The following TMEM71 variants were observed in gnomAD, a reference collection of about 807,000 sequenced individuals.
The protein encoded by TMEM71 is transmembrane protein 71.
Under a neutral mutation model 38.0 loss-of-function variants are expected in TMEM71, and 44 were observed. That is an observed-to-expected ratio of 1.16 (90% CI 0.91 to 1.49). The LOEUF (loss-of-function observed/expected upper bound fraction) is 1.49, where lower values mean the gene tolerates loss of function less well. Ranked by LOEUF, TMEM71 falls within the 40% of genes most tolerant of loss-of-function variation. The pLI is 0.00. For missense variants in TMEM71, 367 were observed against 348.6 expected, an observed-to-expected ratio of 1.05 and a Z score of -0.42; for synonymous variants, 133 against 122.5, an observed-to-expected ratio of 1.09 and a Z score of -0.56.
downstream of TMEM71, among the ~76,000 whole-genome samples, chr8:132,707,722 A>T (rs1321820764): frequency 6.6e-6 from 1 of 152,198 alleles, no homozygotes; most frequent in African/African-American, 2.4e-5. Context: ...AATAAAGTAC[A>T]CAGTCTGTGA....
the TMEM71 span, among the ~76,000 whole-genome samples, chr8:132,771,225 TG>T: frequency 2.0e-5 from 3 of 152,362 alleles, no homozygotes; most frequent in South Asian, 6.2e-4. Context: ...TCCGTTTGTC[TG>T]GAACTGTCCA....
intron 2 of TMEM71, among the ~76,000 whole-genome samples, chr8:132,757,825 CA>C (rs56859505): frequency 0.36 from 38,357 of 106,906 alleles, 4,864 homozygotes; most frequent in Non-Finnish European, 0.38. Context: ...GATTCTGTCT[CA>C]AAAAAAAAAA....
the TMEM71 span, chr8:132,775,673 A>C: frequency 1.5e-5 from 5 of 331,172 alleles, no homozygotes; most frequent in Admixed American, 9.8e-5. Context: ...CTGAGCCGGC[A>C]GGCCGCCTGG....
downstream of TMEM71, among the ~76,000 whole-genome samples, chr8:132,709,315 C>T (rs1419647851): frequency 6.6e-6 from 1 of 152,290 alleles, no homozygotes; most frequent in South Asian, 2.1e-4. Context: ...GATCACTTAA[C>T]CTACTTGTAA....
At position 132,757,231 on chromosome 8, in the gene TMEM71, T is replaced by C; in HGVS notation, c.101+3A>G. On this transcript the variant is annotated splice_donor_region_variant and intron_variant, in intron 3 of 9. Transcript: ENST00000677595. ...TTTTTTTAAAAGAAGCCCCATAGTATACCTTGGGAAAATGCACGTGGGAGA... is the reference window on the plus strand; with the variant it reads ...TTTTTTTAAAAGAAGCCCCATAGTACACCTTGGGAAAATGCACGTGGGAGA... 2 of 1,605,984 alleles carry C rather than the reference T, an allele frequency of 1.2e-6. No homozygotes were observed. Among genetic ancestry groups the C allele is most frequent in the Non-Finnish European group, 1.7e-6 (2 of 1,173,926 alleles).
At chr8:132,770,188 G>A in the TMEM71 span, among the ~76,000 whole-genome samples, 4 of 152,282 alleles carry the variant, frequency 2.6e-5, no homozygotes, top group South Asian at 8.3e-4. Flanking sequence ...ATTTGGCTTG[G>A]TTTTCTAACT....
chr8:132,725,151 C>T (rs1159893549), intron 6 of TMEM71, among the ~76,000 whole-genome samples: 1 of 151,938 alleles, frequency 6.6e-6, no homozygotes, highest in Non-Finnish European at 1.5e-5. Context: ...GATTCTCCCA[C>T]CTCAGCTTCC....
chr8:132,758,814 G>C (rs775523959), intron 2 of TMEM71, 26 bp downstream of exon 2: 2 of 1,603,768 alleles, frequency 1.2e-6, no homozygotes, highest in Non-Finnish European at 1.7e-6. Context: ...AAAGATAATT[G>C]CGTATCACAG....
chr8:132,759,987 C>T (rs1829241440), intron 1 of TMEM71, among the ~76,000 whole-genome samples: 1 of 152,070 alleles, frequency 6.6e-6, no homozygotes, highest in African/African-American at 2.4e-5. Context: ...TAGTATGTTA[C>T]TTGTTCTTTT....
chr8:132,761,186 T>G (rs1829287805), upstream of TMEM71, among the ~76,000 whole-genome samples: 1 of 152,306 alleles, frequency 6.6e-6, no homozygotes, highest in East Asian at 1.9e-4. Context: ...AAATGTACAT[T>G]CAAATATATA....
intron 3 of TMEM71, among the ~76,000 whole-genome samples, chr8:132,753,218 A>C (rs1828821033): frequency 1.3e-5 from 2 of 152,030 alleles, no homozygotes; most frequent in Non-Finnish European, 2.9e-5. Context: ...AATAAACTCA[A>C]TGCCAGTTAC....
chr8:132,734,598 T>C (rs1359491602), intron 5 of TMEM71, among the ~76,000 whole-genome samples: 1 of 152,088 alleles, frequency 6.6e-6, no homozygotes, highest in Non-Finnish European at 1.5e-5. Context: ...CATAAAATTT[T>C]CTGAAAGAAA....
At chr8:132,751,106 A>T (rs932542225) in intron 4 of TMEM71, among the ~76,000 whole-genome samples, 4 of 152,162 alleles carry the variant, frequency 2.6e-5, no homozygotes, top group Non-Finnish European at 5.9e-5. Flanking sequence ...ATAATTTATC[A>T]ATGCCTGCTC....
At chr8:132,720,427 G>A (rs574249224) in intron 7 of TMEM71, among the ~76,000 whole-genome samples, 5 of 152,320 alleles carry the variant, frequency 3.3e-5, no homozygotes, top group African/African-American at 1.2e-4. Flanking sequence ...AGCTAGACGT[G>A]TTCCTTCACC....
At chr8:132,715,982 A>G (rs764554235) in intron 7 of TMEM71, among the ~76,000 whole-genome samples, 26 of 152,220 alleles carry the variant, frequency 1.7e-4, no homozygotes, top group Non-Finnish European at 3.1e-4. Context: ...GCTGCTGCAA[A>G]GACGCCAGCT....
the TMEM71 span, among the ~76,000 whole-genome samples, chr8:132,766,006 T>A: frequency 1.1e-4 from 17 of 151,920 alleles, no homozygotes; most frequent in African/African-American, 3.9e-4. Flanking sequence ...CTTGTCTTCA[T>A]CTCCTGACCT....
intron 9 of TMEM71, among the ~76,000 whole-genome samples, chr8:132,711,444 T>G (rs1826231036): frequency 6.6e-6 from 1 of 152,318 alleles, no homozygotes; most frequent in South Asian, 2.1e-4. Context: ...TAGAACAGCC[T>G]GTAGGGTAAC....
At position 132,722,119 on chromosome 8, in the gene TMEM71, A is replaced by G; in HGVS notation, c.677-4T>C. On this transcript the variant is annotated splice_region_variant and splice_polypyrimidine_tract_variant and intron_variant, in intron 6 of 9. Coordinates refer to ENST00000677595, the MANE Select transcript of TMEM71 (RefSeq NM_001382403.1). ...ACCTCTTGCAACAACCTGGTTTCTA[A>G]TAGGAAGAACAAAAACAAATAAATT... 6.2e-7 allele frequency: 1 copy of G among 1,610,232 alleles called. No homozygotes were observed. Among genetic ancestry groups the G allele is most frequent in the Non-Finnish European group, 8.5e-7 (1 of 1,176,594 alleles).
chr8:132,752,594 C>T (rs368448189), intron 3 of TMEM71, among the ~76,000 whole-genome samples: 3 of 151,914 alleles, frequency 2.0e-5, no homozygotes, highest in South Asian at 2.1e-4. Flanking sequence ...TTGAGTTAGG[C>T]GTGGTGGCAT....
Sources: allele counts gnomAD v4.1 joint callset (sites outside exome capture counted in the v4.1 genomes callset), GRCh38; gene constraint gnomAD v4.1.1; transcripts MANE v1.5; gene names NCBI Gene and HGNC (gene_info 2026-07-23, HGNC 2026-07-21).